The following CIT variants were observed in gnomAD, a reference collection of about 807,000 sequenced individuals.
CIT encodes citron rho-interacting serine/threonine kinase.
Under a neutral mutation model 272.7 loss-of-function variants are expected in CIT, and 79 were observed. The observed-to-expected ratio is 0.29, with a 90% CI of 0.24 to 0.35. The LOEUF (loss-of-function observed/expected upper bound fraction) is 0.35, where lower values mean the gene tolerates loss of function less well. Ranked by LOEUF, CIT falls within the 10% of genes least tolerant of loss-of-function variation. The pLI, the probability that CIT is intolerant of heterozygous loss-of-function variation, is 1.00. For missense variants in CIT, 1,909 were observed against 2,618.3 expected (o/e 0.73, Z 5.91); for synonymous variants, 948 against 995.6 (o/e 0.95, Z 0.90).
At chr12:119,844,530 T>C (rs541287519) in intron 5 of CIT, among the ~76,000 whole-genome samples, 1 of 152,224 alleles carries the variant, frequency 6.6e-6, no homozygotes, top group African/African-American at 2.4e-5. Flanking sequence ...ACAAAAGAAT[T>C]TGAGGTTATT....
At chr12:119,853,275 G>A (rs1348671771) in intron 4 of CIT, among the ~76,000 whole-genome samples, 1 of 148,560 alleles carries the variant, frequency 6.7e-6, no homozygotes. Context: ...AGTGAGCAGA[G>A]ATTGTGCCAC....
intron 24 of CIT, among the ~76,000 whole-genome samples, chr12:119,735,747 C>T (rs1958716505): frequency 2.6e-5 from 4 of 152,216 alleles, no homozygotes. Context: ...ATGCCCATGA[C>T]ACTATCACTA....
At chr12:119,767,917 T>TA (rs923643709) in intron 18 of CIT, among the ~76,000 whole-genome samples, 24 of 151,978 alleles carry the variant, frequency 1.6e-4, no homozygotes, top group African/African-American at 5.5e-4. Flanking sequence ...TCCAGCTTTT[T>TA]TTTTTTTTTT....
intron 40 of CIT, among the ~76,000 whole-genome samples, chr12:119,706,017 G>A (rs770244915): frequency 1.4e-4 from 21 of 151,434 alleles, no homozygotes; most frequent in Admixed American, 2.6e-4. Context: ...TTAAAGCCGG[G>A]AGGCAGAGGC....
Position 119,688,157 on chromosome 12 carries a change from C to A in CIT, c.*75G>T. The A allele has an allele frequency of 6.6e-7, 1 of 1,525,826 alleles. No homozygotes were observed. Among genetic ancestry groups the A allele is most frequent in the Non-Finnish European group, 9.1e-7 (1 of 1,099,664 alleles). 94.5% of individuals were successfully genotyped at this position (1,525,826 alleles called of 1,614,324 possible). Reference sequence around the variant, plus strand: ...CTGAGCACGTGGGCGCTTGGGTCCCCATCAGCAGAGTTCCATAGTGTGTTT... The same window carrying A: ...CTGAGCACGTGGGCGCTTGGGTCCCAATCAGCAGAGTTCCATAGTGTGTTT... On this transcript the variant is annotated 3_prime_UTR_variant, in exon 48 of 48. Coordinates refer to ENST00000392521, the MANE Select transcript of CIT (RefSeq NM_001206999.2).
Position 119,795,966 on chromosome 12 carries a change from C to A in CIT, c.1295+7240G>T, listed in dbSNP as rs191383399. The stretch of plus-strand genomic sequence containing the variant: ...TGGTATAATCCCTGGCCATTTTAGT[C>A]TAATTCAATTCAACAAATGTTCATT... On this transcript the variant is annotated intron_variant, in intron 10 of 47. Coordinates refer to ENST00000392521, the MANE Select transcript of CIT (RefSeq NM_001206999.2). Among the ~76,000 whole-genome samples, 7 of 152,370 alleles carry A rather than the reference C, an allele frequency of 4.6e-5. No homozygotes were observed. The South Asian group carries it at 1.0e-3, about 23-fold the overall frequency.
intron 23 of CIT, among the ~76,000 whole-genome samples, chr12:119,747,184 A>C (rs1017570499): frequency 2.6e-5 from 4 of 152,146 alleles, no homozygotes; most frequent in Non-Finnish European, 5.9e-5. Flanking sequence ...GCACTTTGGG[A>C]GGCTGAAGCA....
chr12:119,703,526 T>G (rs1593401264), intron 41 of CIT, among the ~76,000 whole-genome samples: 2 of 151,132 alleles, frequency 1.3e-5, no homozygotes, highest in South Asian at 2.1e-4. Context: ...CCCACGTTTA[T>G]GCAATTCTCC....
intron 46 of CIT, among the ~76,000 whole-genome samples, chr12:119,693,655 G>C (rs139858144): frequency 6.6e-6 from 1 of 152,348 alleles, no homozygotes; most frequent in Non-Finnish European, 1.5e-5. Flanking sequence ...GCACTGAGCA[G>C]TCACTCTTGA....
chr12:119,761,460 C>T (rs1356689165), intron 19 of CIT, among the ~76,000 whole-genome samples: 1 of 152,090 alleles, frequency 6.6e-6, no homozygotes, highest in Non-Finnish European at 1.5e-5. Context: ...TTCGCCAGTG[C>T]ACCCGTAGTT....
intron 27 of CIT, among the ~76,000 whole-genome samples, chr12:119,730,128 G>A (rs1043349415): frequency 3.3e-5 from 5 of 152,236 alleles, no homozygotes; most frequent in African/African-American, 1.2e-4. Flanking sequence ...ATGAGCATTA[G>A]TCACTGCCAC....
At chr12:119,845,248 A>G (rs769068975) in intron 5 of CIT, among the ~76,000 whole-genome samples, 3 of 152,156 alleles carry the variant, frequency 2.0e-5, no homozygotes, top group Non-Finnish European at 1.5e-5. Flanking sequence ...GAAGCCTCCT[A>G]CATCTGGGAG....
chr12:119,704,494 T>C (rs372064629), intron 40 of CIT, 39 bp from the exon 41 acceptor site: 17 of 1,579,340 alleles, frequency 1.1e-5, no homozygotes, highest in Non-Finnish European at 1.5e-5. Context: ...CTGTCACCAG[T>C]GTGATACCGG....
Position 119,690,516 on chromosome 12 carries a change from T to C in CIT, c.5883-62A>G, listed in dbSNP as rs1955882142. ...CACAACCCCAGAGGGGCATTTTCCT[T>C]CTTACCTGAGCAACCCCCTCCTTGA... On this transcript the variant is annotated intron_variant, in intron 46 of 47. Coordinates refer to ENST00000392521, the MANE Select transcript of CIT (RefSeq NM_001206999.2). This position sits in a 1 kb window ranked among gnomAD's most constrained non-coding sequence, Gnocchi z 6.0. 6.8e-7 allele frequency: 1 copy of C among 1,460,342 alleles called. No homozygotes were observed. Among genetic ancestry groups the C allele is most frequent in the South Asian group, 1.3e-5 (1 of 74,222 alleles). The allele number at this position is 1,460,342 out of a possible 1,614,324, so 90.5% of individuals were successfully genotyped here.
In CIT at chr12:119,735,376, C is replaced by G. The variant is rs1218025634; in HGVS notation, c.2959-19G>C. 6.2e-6 allele frequency: 10 copies of G among 1,610,730 alleles called. No homozygotes were observed. The highest frequency in any genetic ancestry group is 1.3e-5 in the African/African-American group (1 of 74,856). ...TGATTACCTAAAAGAGGAAAGGAAT[C>G]CAGTTACACGCCAAGCACATTCATT... On this transcript the variant is annotated intron_variant, in intron 24 of 47. Coordinates refer to ENST00000392521, the MANE Select transcript of CIT (RefSeq NM_001206999.2).
At chr12:119,733,311 C>T (rs1183702497) in intron 26 of CIT, among the ~76,000 whole-genome samples, 1 of 151,820 alleles carries the variant, frequency 6.6e-6, no homozygotes, top group African/African-American at 2.4e-5. Flanking sequence ...AGGTGGATCA[C>T]TTGAGGTCAG....
chr12:119,715,886 A>G (rs1392808488), intron 32 of CIT, among the ~76,000 whole-genome samples: 4 of 152,204 alleles, frequency 2.6e-5, no homozygotes, highest in African/African-American at 9.6e-5. Context: ...GGCTCTCCTT[A>G]CAACATCACC....
chr12:119,857,468 G>T, intron 4 of CIT, 55 bp downstream of exon 4: 1 of 1,567,420 alleles, frequency 6.4e-7, no homozygotes. Flanking sequence ...TATCGTCTTT[G>T]CAATGAACAC....
Position 119,701,694 on chromosome 12 carries a change from G to C in CIT, c.5472C>G (p.Asn1824Lys), listed in dbSNP as rs1956587537. Residue 1824 changes from asparagine (N) to lysine (K), a missense_variant, in exon 43 of 48, where the codon AAC becomes AAG. Around this residue, in one of 8 missense-constraint regions of CIT, gnomAD observed 780 missense variants for 1,067.2 expected, o/e 0.73. Coordinates refer to ENST00000392521, the MANE Select transcript of CIT (RefSeq NM_001206999.2). ...CCTGCACGATTGAGACAGGGAAGCT[G>C]TTGGAAGAGGCGGCAAACACAGCAG... The part of the protein sequence containing the change: ...LAPAVFAASS[N>K]SFPVSIVQVN... 1 of 1,614,108 alleles carries C rather than the reference G, an allele frequency of 6.2e-7. No homozygotes were observed. The highest frequency in any genetic ancestry group is 1.7e-5 in the Admixed American group (1 of 60,012).
Sources: gnomAD v4.1 joint callset for allele counts (sites outside exome capture counted in the v4.1 genomes callset) on GRCh38, gnomAD v4.1.1 for gene constraint, gnomAD v4.1.1 regional missense constraint, Gnocchi (gnomAD v3.1) non-coding constraint, MANE v1.5 for transcripts, NCBI Gene and HGNC (gene_info 2026-07-23, HGNC 2026-07-21) for gene names.